The following AFF3 variants were observed in gnomAD, a reference collection of about 807,000 sequenced individuals.
AFF3 encodes the protein AF4/FMR2 family member 3.
AFF3 carries 32 observed loss-of-function variants against 129.7 expected under a neutral mutation model. That is an observed-to-expected ratio of 0.25 (90% CI 0.19 to 0.33). The LOEUF (loss-of-function observed/expected upper bound fraction) is 0.33, where lower values mean the gene tolerates loss of function less well. AFF3 is among the 10% of genes least tolerant of loss of function. AFF3 has a pLI of 1.00. For synonymous variants in AFF3, 644 were observed against 635.4 expected (o/e 1.01, Z -0.20); for missense variants, 1,373 against 1,592.0 (o/e 0.86, Z 2.34).
At chr2:99,567,441 C>T (rs1200639559) in intron 19 of AFF3, among the ~76,000 whole-genome samples, 1 of 152,138 alleles carries the variant, frequency 6.6e-6, no homozygotes, top group Non-Finnish European at 1.5e-5. Context: ...ACCTACAAGA[C>T]AGTTCAAAGT....
At chr2:99,589,214 C>T (rs1301193638) in intron 15 of AFF3, among the ~76,000 whole-genome samples, 2 of 152,094 alleles carry the variant, frequency 1.3e-5, no homozygotes, top group Non-Finnish European at 2.9e-5. Context: ...AGATGATTAA[C>T]TGATTGATTG....
chr2:100,061,872 C>T (rs1264671054), intron 4 of AFF3, among the ~76,000 whole-genome samples: 2 of 146,014 alleles, frequency 1.4e-5, no homozygotes, highest in South Asian at 2.2e-4. Context: ...GGGGGGGTGC[C>T]GACTCTCAAG....
chr2:100,104,054 A>G (rs900612873), intron 4 of AFF3, among the ~76,000 whole-genome samples: 4 of 151,554 alleles, frequency 2.6e-5, no homozygotes, highest in Non-Finnish European at 5.9e-5. Context: ...AAGTGAGAGG[A>G]GCAGGGGGCC....
chr2:99,990,089 C>T (rs2104578138), intron 7 of AFF3, among the ~76,000 whole-genome samples: 1 of 152,268 alleles, frequency 6.6e-6, no homozygotes, highest in East Asian at 1.9e-4. Flanking sequence ...ACTCAACAGA[C>T]ATTATCAAGG....
intron 2 of AFF3, among the ~76,000 whole-genome samples, chr2:100,122,906 C>A (rs1322331076): frequency 6.6e-6 from 1 of 152,208 alleles, no homozygotes; most frequent in African/African-American, 2.4e-5. Flanking sequence ...TTTCATGGAA[C>A]ATCTATTACC....
At chr2:99,628,722 G>GATTTTTTT (rs1553409853) in intron 13 of AFF3, among the ~76,000 whole-genome samples, 1 of 11,978 alleles carries the variant, frequency 8.3e-5, no homozygotes, top group Admixed American at 7.8e-4. Flanking sequence ...ATGCTTGACT[G>GATTTTTTT]ATTTTTTTTT....
chr2:99,723,036 T>C (rs1679043507), intron 11 of AFF3, among the ~76,000 whole-genome samples: 1 of 152,232 alleles, frequency 6.6e-6, no homozygotes, highest in Non-Finnish European at 1.5e-5. Flanking sequence ...ATAGTTTTTT[T>C]AACAAAAGTA....
intron 11 of AFF3, among the ~76,000 whole-genome samples, chr2:99,686,871 A>C (rs1675112972): frequency 6.6e-6 from 1 of 152,212 alleles, no homozygotes; most frequent in Admixed American, 6.5e-5. Flanking sequence ...CTGGGAGCCT[A>C]CCCTGTTCTG....
intron 20 of AFF3, among the ~76,000 whole-genome samples, chr2:99,564,072 T>TA (rs1039002912): frequency 3.3e-5 from 5 of 152,196 alleles, no homozygotes; most frequent in African/African-American, 1.2e-4. Flanking sequence ...TGTGAATGCC[T>TA]TTAAGCAGGT....
intron 2 of AFF3, among the ~76,000 whole-genome samples, chr2:100,126,756 T>G (rs1177055778): frequency 2.6e-5 from 4 of 152,208 alleles, no homozygotes; most frequent in Non-Finnish European, 4.4e-5. Flanking sequence ...TTTAATAAAA[T>G]GTAGTCAGTG....
At position 99,898,088 on chromosome 2, in the gene AFF3, G is replaced by A. The variant is rs12993361; in HGVS notation, c.874-60564C>T. 7.7e-3 allele frequency among the ~76,000 whole-genome samples: 1,180 copies of A among 152,266 alleles called. 7 individuals carry two copies. The highest frequency in any genetic ancestry group is 9.8e-3 in the Non-Finnish European group (667 of 68,010). ...TAATTTCCACCAAGTACACGACAATGTTATATGAGAACCACAGAAAAAATG... is the reference window on the plus strand; with the variant it reads ...TAATTTCCACCAAGTACACGACAATATTATATGAGAACCACAGAAAAAATG... On this transcript the variant is annotated intron_variant, in intron 7 of 24. Coordinates refer to ENST00000672756, the MANE Select transcript of AFF3 (RefSeq NM_001386135.1).
chr2:100,010,216 TTAA>T (rs757894276), intron 4 of AFF3, among the ~76,000 whole-genome samples: 26 of 152,206 alleles, frequency 1.7e-4, no homozygotes, highest in Non-Finnish European at 3.4e-4. Flanking sequence ...TAAAATATTG[TTAA>T]TAATAAAAGG....
chr2:99,881,227 G>A (rs1692688108), intron 7 of AFF3, among the ~76,000 whole-genome samples: 1 of 152,132 alleles, frequency 6.6e-6, no homozygotes. Context: ...TAATCATAGG[G>A]ATAAATAGCA....
At chr2:99,690,326 A>G (rs183766948) in intron 11 of AFF3, among the ~76,000 whole-genome samples, 11,249 of 149,984 alleles carry the variant, frequency 0.075, 442 homozygotes, top group East Asian at 0.11. Flanking sequence ...GACTACAGGC[A>G]CCCGCCACCA....
At chr2:100,025,431 T>C (rs1234487808) in intron 4 of AFF3, among the ~76,000 whole-genome samples, 1 of 152,140 alleles carries the variant, frequency 6.6e-6, no homozygotes. Context: ...CATCCCATGC[T>C]CATGGATGGG....
At chr2:99,586,706 C>T (rs1372183630) in intron 16 of AFF3, among the ~76,000 whole-genome samples, 3 of 152,202 alleles carry the variant, frequency 2.0e-5, no homozygotes, top group Middle Eastern at 6.8e-3. Flanking sequence ...CTTGGGAGCA[C>T]GGACCCTTCT....
At chr2:99,671,178 G>T (rs979401329) in intron 12 of AFF3, among the ~76,000 whole-genome samples, 1 of 152,096 alleles carries the variant, frequency 6.6e-6, no homozygotes, top group Non-Finnish European at 1.5e-5. Flanking sequence ...ATGTATCCAG[G>T]CCACTTAATG....
At chr2:99,842,680 A>C (rs952789714) in intron 7 of AFF3, among the ~76,000 whole-genome samples, 1 of 152,200 alleles carries the variant, frequency 6.6e-6, no homozygotes, top group African/African-American at 2.4e-5. Flanking sequence ...CTACCATTTA[A>C]ATGTACATGC....
chr2:99,670,777 A>G (rs932855257), intron 12 of AFF3, among the ~76,000 whole-genome samples: 2 of 152,230 alleles, frequency 1.3e-5, no homozygotes, highest in Non-Finnish European at 2.9e-5. Flanking sequence ...TTAATTAGGA[A>G]AAAGGGATTA....
Sources: allele counts gnomAD v4.1 joint callset (sites outside exome capture counted in the v4.1 genomes callset), GRCh38; gene constraint gnomAD v4.1.1; transcripts MANE v1.5; gene names NCBI Gene and HGNC (gene_info 2026-07-23, HGNC 2026-07-21).